Variants in LCMT1 observed in about 807,000 individuals in gnomAD.
LCMT1 encodes [Phosphatase 2A protein]-leucine-carboxy methyltransferase 1.
A neutral mutation model predicts 47.7 loss-of-function variants in LCMT1; 32 were observed. That is an observed-to-expected ratio of 0.67 (90% CI 0.51 to 0.90). LCMT1 has a LOEUF of 0.90. Among genes scored for constraint, LCMT1 ranks in the 40% least tolerant of loss-of-function variants. The pLI, the probability that LCMT1 is intolerant of heterozygous loss-of-function variation, is 0.00. For missense variants in LCMT1, 375 were observed against 415.2 expected (o/e 0.90, Z 0.84); for synonymous variants, 152 against 149.7 (o/e 1.02, Z -0.11).
intron 1 of LCMT1, among the ~76,000 whole-genome samples, chr16:25,123,520 C>T (rs1960062962): frequency 6.6e-6 from 1 of 151,350 alleles, no homozygotes; most frequent in Admixed American, 6.6e-5. Context: ...CCACCGCACT[C>T]AGCCTTATAT....
intron 3 of LCMT1, among the ~76,000 whole-genome samples, chr16:25,133,832 G>A (rs895123578): frequency 6.6e-6 from 1 of 151,324 alleles, no homozygotes; most frequent in Admixed American, 6.6e-5. Flanking sequence ...TCAGGAGTTA[G>A]AGACCAGCCT....
At chr16:25,137,976 G>A (rs1223804268) in intron 3 of LCMT1, among the ~76,000 whole-genome samples, 1 of 152,072 alleles carries the variant, frequency 6.6e-6, no homozygotes, top group Non-Finnish European at 1.5e-5. Flanking sequence ...CTATACCTGT[G>A]CTCCATCTCT....
rs548412960 is a variant in LCMT1, at chr16:25,164,639, T to A, written c.611T>A (p.Met204Lys). ...LLIAECVLVY[M>K]TPEQSANLLK... The stretch of plus-strand genomic sequence containing the variant: ...ATAGCTGAATGTGTGCTGGTTTACA[T>A]GACTCCAGAGCAGTCCGCAAACCTC... Residue 204 changes from methionine (M) to lysine (K), a missense_variant, in exon 7 of 11, where the codon ATG (methionine) becomes AAG (lysine). Met to Lys is a moderately conservative substitution (Grantham distance 95). Coordinates refer to ENST00000399069, the MANE Select transcript of LCMT1 (RefSeq NM_016309.3). The A allele has an allele frequency of 6.2e-7, 1 of 1,613,992 alleles. No homozygotes were observed. Among genetic ancestry groups the A allele is most frequent in the Non-Finnish European group, 8.5e-7 (1 of 1,179,860 alleles).
At chr16:25,163,008 C>G (rs1249912672) in intron 6 of LCMT1, among the ~76,000 whole-genome samples, 1 of 152,150 alleles carries the variant, frequency 6.6e-6, no homozygotes, top group Admixed American at 6.6e-5. Context: ...GTAGCTGGGA[C>G]CACAGCAGTG....
intron 4 of LCMT1, chr16:25,144,499 C>A (rs1960791049): frequency 6.6e-6 from 1 of 152,432 alleles, no homozygotes; most frequent in South Asian, 2.1e-4. Context: ...GTTTTGTGGG[C>A]CCTGTGCATT....
intron 1 of LCMT1, among the ~76,000 whole-genome samples, chr16:25,126,770 G>A (rs544947955): frequency 6.6e-5 from 10 of 152,294 alleles, no homozygotes; most frequent in East Asian, 3.9e-4. Flanking sequence ...GCTTAGCAGC[G>A]GGGCGAGTGC....
At chr16:25,136,432 G>A (rs1960506266) in intron 3 of LCMT1, among the ~76,000 whole-genome samples, 1 of 151,634 alleles carries the variant, frequency 6.6e-6, no homozygotes, top group Non-Finnish European at 1.5e-5. Context: ...AGCATCACTT[G>A]TCACAGCCAT....
intron 2 of LCMT1, among the ~76,000 whole-genome samples, chr16:25,131,214 G>C (rs1294291488): frequency 6.6e-6 from 1 of 152,178 alleles, no homozygotes; most frequent in Non-Finnish European, 1.5e-5. Flanking sequence ...TAAAGTGGTG[G>C]TTTCTGAAAA....
chr16:25,111,922 C>G lies in LCMT1; in HGVS notation c.39C>G (p.Cys13Trp), dbSNP rs1959629874. The change falls in exon 1 of 11, where the codon TGC (cysteine) becomes TGG (tryptophan). Residue 13 changes from cysteine (C) to tryptophan (W), a missense_variant. Transcript: ENST00000399069. Reference protein sequence around the residue: ...TRQRESSITSCCSTSSCDADD... With the variant: ...TRQRESSITSWCSTSSCDADD... ...AGAGGGAATCCTCTATCACCTCCTG[C>G]TGTTCCACCTCGAGCTGCGACGCAG... is the stretch of plus-strand genomic sequence containing the variant. 3 of 1,613,448 alleles carry G rather than the reference C, an allele frequency of 1.9e-6. No homozygotes were observed. The African/African-American group carries it at 4.0e-5, about 22-fold the overall frequency.
At chr16:25,133,361 G>A (rs1223859402) in intron 3 of LCMT1, among the ~76,000 whole-genome samples, 2 of 138,796 alleles carry the variant, frequency 1.4e-5, no homozygotes, top group African/African-American at 2.7e-5. Context: ...AAACTGGAGT[G>A]TGGTCTTTGG....
intron 6 of LCMT1, among the ~76,000 whole-genome samples, chr16:25,162,106 C>T (rs1240113180): frequency 6.6e-6 from 1 of 152,142 alleles, no homozygotes; most frequent in African/African-American, 2.4e-5. Flanking sequence ...CCATACATAG[C>T]AGTTCCACTT....
intron 1 of LCMT1, among the ~76,000 whole-genome samples, chr16:25,126,928 C>T (rs1351143256): frequency 6.6e-6 from 1 of 152,222 alleles, no homozygotes; most frequent in Non-Finnish European, 1.5e-5. Flanking sequence ...GGTTGCTGGG[C>T]TACCATTCTT....
chr16:25,113,321 T>A (rs1324403681), intron 1 of LCMT1, among the ~76,000 whole-genome samples: 6 of 152,260 alleles, frequency 3.9e-5, no homozygotes, highest in Middle Eastern at 3.4e-3. Context: ...GATTAAACCT[T>A]GCACTTTTTA....
intron 3 of LCMT1, among the ~76,000 whole-genome samples, chr16:25,135,829 G>A (rs900104732): frequency 6.6e-6 from 1 of 152,040 alleles, no homozygotes; most frequent in African/African-American, 2.4e-5. Flanking sequence ...AGTTGGTCAC[G>A]CCTGTAATCC....
chr16:25,111,919 C>T lies in LCMT1; in HGVS notation c.36C>T (p.Ser12=), dbSNP rs768441946. ...ATRQRESSIT[S]CCSTSSCDAD... is the part of the protein sequence containing the mutation. ...GGCAGAGGGAATCCTCTATCACCTC[C>T]TGCTGTTCCACCTCGAGCTGCGACG... Residue 12 remains serine (S), a synonymous_variant, in exon 1 of 11, where the codon TCC becomes TCT. Transcript: ENST00000399069. 5 of 1,613,552 alleles carry T rather than the reference C, an allele frequency of 3.1e-6. No individual in the cohort carries two copies. Among genetic ancestry groups the T allele is most frequent in the East Asian group, 4.5e-5 (2 of 44,882 alleles).
intron 3 of LCMT1, chr16:25,139,935 G>A (rs1245792396): frequency 9.9e-6 from 5 of 505,164 alleles, no homozygotes; most frequent in African/African-American, 5.8e-5. Flanking sequence ...CTCCTTCCTG[G>A]ACCTTACCTT....
In LCMT1 at chr16:25,159,279, A is replaced by AT. The variant is rs1328009811; in HGVS notation, c.467-1819dup. Among the ~76,000 whole-genome samples, 7 of 152,250 alleles carry AT rather than the reference A, an allele frequency of 4.6e-5. No homozygotes were observed. In the East Asian group the frequency reaches 1.4e-3, roughly 29 times the overall value. On this transcript the variant is annotated intron_variant, in intron 5 of 10. Transcript: ENST00000399069. ...TAGGCAACTACCTTCGTATTCTTTTATTTTGTAGAGACAAGGTCTTTGCTC... is the reference window on the plus strand; with the variant it reads ...TAGGCAACTACCTTCGTATTCTTTTATTTTTGTAGAGACAAGGTCTTTGCTC...
At chr16:25,129,736 G>A (rs1340181887) in intron 2 of LCMT1, among the ~76,000 whole-genome samples, 2 of 152,102 alleles carry the variant, frequency 1.3e-5, no homozygotes, top group East Asian at 3.9e-4. Context: ...CTAATTATGT[G>A]GATTTAATTG....
At chr16:25,117,241 G>C (rs1959820328) in intron 1 of LCMT1, among the ~76,000 whole-genome samples, 1 of 152,160 alleles carries the variant, frequency 6.6e-6, no homozygotes, top group African/African-American at 2.4e-5. Flanking sequence ...TGACTCACCT[G>C]ATCTGTTGCA....
Sources: allele counts gnomAD v4.1 joint callset (sites outside exome capture counted in the v4.1 genomes callset), GRCh38; gene constraint gnomAD v4.1.1; transcripts MANE v1.5; gene names NCBI Gene and HGNC (gene_info 2026-07-23, HGNC 2026-07-21).